CUBN: variants seen among roughly 807,000 people sequenced by gnomAD.
CUBN encodes 460 kDa receptor.
Under a neutral mutation model 405.3 loss-of-function variants are expected in CUBN, and 282 were observed. That is an observed-to-expected ratio of 0.70 (90% confidence interval 0.63 to 0.77). The LOEUF is 0.77. Among genes scored for constraint, CUBN ranks in the 30% least tolerant of loss-of-function variants. The pLI, the probability that CUBN is intolerant of heterozygous loss-of-function variation, is 0.00. For synonymous variants in CUBN, 1,684 were observed against 1,617.0 expected, an observed-to-expected ratio of 1.04 and a Z score of -0.99; for missense variants, 4,514 against 4,475.2, an observed-to-expected ratio of 1.01 and a Z score of -0.25.
chr10:16,933,356 A>G, intron 39 of CUBN, 72 bp from the exon 40 acceptor site: 1 of 1,370,848 alleles, frequency 7.3e-7, no homozygotes, highest in Non-Finnish European at 1.0e-6. Context: ...TTTTCACTTG[A>G]AAGTGACAGC....
chr10:16,856,301 G>A (rs1388071117), intron 59 of CUBN, among the ~76,000 whole-genome samples: 2 of 151,968 alleles, frequency 1.3e-5, no homozygotes, highest in African/African-American at 4.8e-5. Flanking sequence ...ACTCTCTGAT[G>A]ACACACCCTG....
intron 22 of CUBN, among the ~76,000 whole-genome samples, chr10:17,060,004 A>T (rs1835469101): frequency 1.3e-5 from 2 of 152,136 alleles, no homozygotes; most frequent in African/African-American, 4.8e-5. Flanking sequence ...GAGAGATCTC[A>T]GGTTCCTGGA....
intron 27 of CUBN, among the ~76,000 whole-genome samples, chr10:17,031,895 C>T (rs1247013560): frequency 1.3e-5 from 2 of 152,222 alleles, no homozygotes; most frequent in Non-Finnish European, 2.9e-5. Context: ...ATTTACGCTT[C>T]ACTTATTAGA....
At chr10:16,949,869 C>G in intron 34 of CUBN, 132 bp downstream of exon 34, 1 of 726,018 alleles carries the variant, frequency 1.4e-6, no homozygotes, top group South Asian at 1.5e-5. Flanking sequence ...CTCTAATCAT[C>G]TTTATTTGGC....
At chr10:16,939,558 A>C (rs993890153) in intron 37 of CUBN, among the ~76,000 whole-genome samples, 2 of 152,252 alleles carry the variant, frequency 1.3e-5, no homozygotes, top group African/African-American at 4.8e-5. Flanking sequence ...ATAATGGAAA[A>C]GTTGAGCTAG....
intron 56 of CUBN, among the ~76,000 whole-genome samples, chr10:16,877,801 A>C (rs1458717884): frequency 1.3e-5 from 2 of 152,254 alleles, no homozygotes; most frequent in African/African-American, 4.8e-5. Flanking sequence ...AAAATAAACA[A>C]GAAATTAAAA....
intron 53 of CUBN, among the ~76,000 whole-genome samples, chr10:16,899,633 C>A (rs1462427595): frequency 6.6e-6 from 1 of 152,138 alleles, no homozygotes; most frequent in African/African-American, 2.4e-5. Flanking sequence ...GGGGAAAATT[C>A]TTTTATTAAG....
intron 56 of CUBN, among the ~76,000 whole-genome samples, chr10:16,887,542 T>G (rs1288709084): frequency 1.3e-5 from 2 of 152,210 alleles, no homozygotes; most frequent in Non-Finnish European, 2.9e-5. Context: ...GAACTTATCT[T>G]CCAAGGCTAT....
chr10:16,935,686 T>A (rs1161379479), intron 39 of CUBN, among the ~76,000 whole-genome samples: 2 of 151,974 alleles, frequency 1.3e-5, no homozygotes, highest in Non-Finnish European at 2.9e-5. Context: ...GAGACCATCC[T>A]GCCTAACACG....
chr10:16,988,325 T>C (rs748831878), intron 29 of CUBN, among the ~76,000 whole-genome samples: 3 of 152,212 alleles, frequency 2.0e-5, no homozygotes, highest in Admixed American at 6.5e-5. Context: ...CGAGGCCATC[T>C]GAACATTCTG....
intron 59 of CUBN, among the ~76,000 whole-genome samples, chr10:16,856,356 T>A (rs1342668501): frequency 6.6e-6 from 1 of 152,106 alleles, no homozygotes; most frequent in Non-Finnish European, 1.5e-5. Context: ...ATTGGAAATA[T>A]CTCTCTCACA....
intron 33 of CUBN, among the ~76,000 whole-genome samples, chr10:16,951,578 A>G (rs11254294): frequency 0.072 from 11,031 of 152,248 alleles, 780 homozygotes; most frequent in East Asian, 0.18. Context: ...CCCGCTTTGC[A>G]GCCATTCTGT....
chr10:16,971,960 C>T (rs569490646), intron 31 of CUBN, among the ~76,000 whole-genome samples: 36 of 152,126 alleles, frequency 2.4e-4, no homozygotes, highest in Non-Finnish European at 3.5e-4. Context: ...CACCACCACC[C>T]GCCACAATCC....
chr10:16,965,076 A>G (rs1843348612), intron 31 of CUBN, among the ~76,000 whole-genome samples: 1 of 152,146 alleles, frequency 6.6e-6, no homozygotes, highest in South Asian at 2.1e-4. Context: ...TCCCTGCTAC[A>G]TGTAGTGGAT....
intron 41 of CUBN, among the ~76,000 whole-genome samples, chr10:16,926,689 T>C (rs1446405190): frequency 3.9e-5 from 6 of 152,128 alleles, no homozygotes; most frequent in Non-Finnish European, 7.3e-5. Context: ...GATTTTGACT[T>C]AAATAATGAG....
intron 45 of CUBN, 105 bp downstream of exon 45, chr10:16,918,517 G>A: frequency 1.2e-6 from 1 of 851,786 alleles, no homozygotes; most frequent in Non-Finnish European, 1.9e-6. Flanking sequence ...GTACCTGGCT[G>A]ATGAAATAAT....
chr10:17,103,267 C>A, intron 12 of CUBN, 30 bp from the exon 13 acceptor site: 1 of 1,390,076 alleles, frequency 7.2e-7, no homozygotes, highest in South Asian at 1.2e-5. Flanking sequence ...CTGTGCTTTT[C>A]AGAGGTTCCT....
At chr10:16,989,043 G>C (rs767335062) in intron 29 of CUBN, among the ~76,000 whole-genome samples, 2 of 152,088 alleles carry the variant, frequency 1.3e-5, no homozygotes, top group South Asian at 4.2e-4. Context: ...AACATCTATT[G>C]AGTGTTTACT....
chr10:17,017,951 G>A (rs1834381373), intron 28 of CUBN, among the ~76,000 whole-genome samples: 1 of 152,112 alleles, frequency 6.6e-6, no homozygotes, highest in Admixed American at 6.5e-5. Flanking sequence ...GACTTTGAGA[G>A]TTTTACTCAT....
Sources: allele counts gnomAD v4.1 joint callset (sites outside exome capture counted in the v4.1 genomes callset), GRCh38; gene constraint gnomAD v4.1.1; transcripts MANE v1.5; gene names NCBI Gene and HGNC (gene_info 2026-07-23, HGNC 2026-07-21).